Variants in YAP1 observed in about 807,000 individuals in gnomAD.
YAP1 encodes transcriptional coactivator YAP1.
Under a neutral mutation model 56.9 loss-of-function variants are expected in YAP1, and 5 were observed. The ratio of observed to expected loss-of-function variants is 0.09; its 90% CI spans 0.05 to 0.18. The LOEUF (loss-of-function observed/expected upper bound fraction) is 0.18. YAP1 is among the 10% of genes least tolerant of loss of function. The pLI, the probability that YAP1 is intolerant of heterozygous loss-of-function variation, is 1.00. For missense variants in YAP1, 539 were observed against 651.8 expected (o/e 0.83, Z 1.88); for synonymous variants, 265 against 248.1 (o/e 1.07, Z -0.64).
chr11:102,163,599 C>G (rs911997701), intron 3 of YAP1, among the ~76,000 whole-genome samples: 1 of 152,212 alleles, frequency 6.6e-6, no homozygotes, highest in South Asian at 2.1e-4. Context: ...TATGTGGCAG[C>G]TCTAGTAGAC....
intron 4 of YAP1, among the ~76,000 whole-genome samples, chr11:102,193,713 GT>G (rs746654334): frequency 2.0e-5 from 3 of 152,056 alleles, no homozygotes; most frequent in African/African-American, 7.2e-5. Context: ...AAACATGAAA[GT>G]TTAAGACCAG....
At chr11:102,122,118 A>T (rs188797221) in intron 2 of YAP1, among the ~76,000 whole-genome samples, 1 of 152,238 alleles carries the variant, frequency 6.6e-6, no homozygotes, top group East Asian at 1.9e-4. Flanking sequence ...GAATCAGAAA[A>T]TTCAGGAAAA....
At chr11:102,113,014 CTAAG>C (rs1943056330) in intron 1 of YAP1, among the ~76,000 whole-genome samples, 4 of 144,430 alleles carry the variant, frequency 2.8e-5, no homozygotes, top group African/African-American at 5.9e-5. Context: ...AAGTTTTTAA[CTAAG>C]TGTTTTGCAT....
At chr11:102,158,294 TGA>T (rs929661818) in intron 2 of YAP1, among the ~76,000 whole-genome samples, 1 of 152,242 alleles carries the variant, frequency 6.6e-6, no homozygotes, top group African/African-American at 2.4e-5. Context: ...TTTTACAAAT[TGA>T]GAGTTTCAGA....
At chr11:102,146,460 T>C (rs548565939) in intron 2 of YAP1, among the ~76,000 whole-genome samples, 1 of 152,354 alleles carries the variant, frequency 6.6e-6, no homozygotes, top group East Asian at 1.9e-4. Context: ...GCATTGTAAA[T>C]GCTCTTTACT....
At chr11:102,155,252 C>A (rs1945875390) in intron 2 of YAP1, among the ~76,000 whole-genome samples, 1 of 152,032 alleles carries the variant, frequency 6.6e-6, no homozygotes, top group Non-Finnish European at 1.5e-5. Context: ...AATGAAACAT[C>A]AAAGTAAAAT....
intron 2 of YAP1, among the ~76,000 whole-genome samples, chr11:102,115,504 AGACT>A (rs1446980870): frequency 2.0e-5 from 3 of 152,048 alleles, no homozygotes; most frequent in African/African-American, 7.2e-5. Flanking sequence ...GTTTTGTGAC[AGACT>A]TACAGAAGAG....
intron 2 of YAP1, among the ~76,000 whole-genome samples, chr11:102,135,823 A>G (rs1028048992): frequency 1.3e-5 from 2 of 152,224 alleles, no homozygotes; most frequent in African/African-American, 4.8e-5. Context: ...GATATCTGCA[A>G]ATATTTTTGC....
intron 2 of YAP1, among the ~76,000 whole-genome samples, chr11:102,132,184 T>C (rs561793894): frequency 2.2e-4 from 33 of 152,320 alleles, no homozygotes; most frequent in African/African-American, 7.2e-4. Flanking sequence ...AGAAAAGTCA[T>C]GAGGTAGTAG....
At chr11:102,210,274 C>T (rs1444042865) in intron 6 of YAP1, among the ~76,000 whole-genome samples, 3 of 152,194 alleles carry the variant, frequency 2.0e-5, no homozygotes, top group African/African-American at 7.2e-5. Context: ...AGAAGAAATT[C>T]GGAGCCAGAG....
At chr11:102,223,920 G>A (rs549613887) in intron 7 of YAP1, among the ~76,000 whole-genome samples, 168 bp downstream of exon 7, 7 of 152,352 alleles carry the variant, frequency 4.6e-5, no homozygotes, top group Middle Eastern at 6.8e-3. Context: ...AGGATTAAAA[G>A]TTGTCTCCTG....
rs370968543 is a variant in YAP1, at chr11:102,142,717, GTT to G, written c.573-19736_573-19735del. 1.6e-4 allele frequency among the ~76,000 whole-genome samples: 24 copies of G among 152,188 alleles called. No homozygotes were observed. In the East Asian group the frequency reaches 2.3e-3, roughly 15 times the overall value. On this transcript the variant is annotated intron_variant, in intron 2 of 8. Coordinates refer to ENST00000282441, the MANE Select transcript of YAP1 (RefSeq NM_001130145.3). ...AATTTATTCTTTACAATCAGTTTTA[GTT>G]TTAGATTGTTTGGATTGTCAAGTAA...
At chr11:102,167,710 G>C (rs1946685836) in intron 3 of YAP1, among the ~76,000 whole-genome samples, 1 of 152,100 alleles carries the variant, frequency 6.6e-6, no homozygotes, top group African/African-American at 2.4e-5. Flanking sequence ...CTCCAGCCTG[G>C]TGACAGAGCA....
intron 2 of YAP1, among the ~76,000 whole-genome samples, chr11:102,157,689 A>G (rs994331083): frequency 2.0e-5 from 3 of 152,226 alleles, no homozygotes; most frequent in Non-Finnish European, 2.9e-5. Flanking sequence ...TTTAAGTTCA[A>G]GTTTTCTCAC....
At chr11:102,157,830 A>C (rs554597441) in intron 2 of YAP1, among the ~76,000 whole-genome samples, 1 of 152,306 alleles carries the variant, frequency 6.6e-6, no homozygotes, top group Admixed American at 6.5e-5. Context: ...CACTATCATC[A>C]AAAGTGCATG....
chr11:102,202,487 T>A (rs1948920636), intron 4 of YAP1, among the ~76,000 whole-genome samples: 1 of 151,950 alleles, frequency 6.6e-6, no homozygotes, highest in Non-Finnish European at 1.5e-5. Context: ...CCGATTTTTT[T>A]TTTTTTAAAC....
At chr11:102,200,129 C>T (rs1427079917) in intron 4 of YAP1, among the ~76,000 whole-genome samples, 1 of 151,968 alleles carries the variant, frequency 6.6e-6, no homozygotes, top group East Asian at 1.9e-4. Flanking sequence ...ATAGTATAAA[C>T]ATAAAGGCAG....
intron 4 of YAP1, among the ~76,000 whole-genome samples, chr11:102,203,826 G>A (rs73583916): frequency 0.036 from 5,480 of 152,238 alleles, 315 homozygotes; most frequent in African/African-American, 0.12. Context: ...TGCAGGTAAA[G>A]CAGGACTTAA....
At chr11:102,213,359 G>A (rs899012972) in intron 6 of YAP1, among the ~76,000 whole-genome samples, 1 of 152,120 alleles carries the variant, frequency 6.6e-6, no homozygotes, top group African/African-American at 2.4e-5. Context: ...TGGGGCGGGC[G>A]CCTTTAATCC....
Sources: gnomAD v4.1 joint callset for allele counts (sites outside exome capture counted in the v4.1 genomes callset) on GRCh38, gnomAD v4.1.1 for gene constraint, MANE v1.5 for transcripts, NCBI Gene and HGNC (gene_info 2026-07-23, HGNC 2026-07-21) for gene names.